LRFN2: variants seen among roughly 807,000 people sequenced by gnomAD.
LRFN2 encodes leucine-rich repeat and fibronectin type-III domain-containing protein 2.
In LRFN2, 18 loss-of-function variants were observed where a neutral mutation model predicts 37.3. The ratio of observed to expected loss-of-function variants is 0.48; its 90% CI spans 0.33 to 0.72. The LOEUF (loss-of-function observed/expected upper bound fraction) is 0.72. LRFN2 is among the 30% of genes least tolerant of loss of function. LRFN2 has a pLI of 0.02. For synonymous variants in LRFN2, 556 were observed against 466.6 expected, an observed-to-expected ratio of 1.19 and a Z score of -2.47; for missense variants, 1,006 against 1,060.7, an observed-to-expected ratio of 0.95 and a Z score of 0.72.
At chr6:40,543,674 G>C (rs1182782189) in intron 1 of LRFN2, among the ~76,000 whole-genome samples, 1 of 152,178 alleles carries the variant, frequency 6.6e-6, no homozygotes, top group African/African-American at 2.4e-5. Flanking sequence ...TATAATTATG[G>C]GTCAAATCCT....
intron 1 of LRFN2, among the ~76,000 whole-genome samples, chr6:40,438,239 A>T (rs1392761343): frequency 1.3e-5 from 2 of 152,178 alleles, no homozygotes; most frequent in Non-Finnish European, 2.9e-5. Flanking sequence ...GAAGCAGTCC[A>T]GTCTTGGGCA....
intron 1 of LRFN2, among the ~76,000 whole-genome samples, chr6:40,464,981 TA>T (rs1483775309): frequency 2.0e-5 from 3 of 152,212 alleles, no homozygotes; most frequent in Non-Finnish European, 4.4e-5. Context: ...AGGTTGCAGA[TA>T]TAATTAAAGT....
intron 1 of LRFN2, among the ~76,000 whole-genome samples, chr6:40,478,734 C>T (rs898171649): frequency 5.3e-5 from 8 of 152,192 alleles, no homozygotes; most frequent in African/African-American, 1.7e-4. Context: ...TGCTCTCAGT[C>T]CTTTCCAATA....
intron 1 of LRFN2, among the ~76,000 whole-genome samples, chr6:40,437,599 C>G (rs147150382): frequency 2.5e-3 from 385 of 152,288 alleles, no homozygotes; most frequent in African/African-American, 8.8e-3. Flanking sequence ...AGATTACTGA[C>G]AGAGAAGTGA....
At chr6:40,402,869 G>A (rs565438261) in intron 2 of LRFN2, among the ~76,000 whole-genome samples, 15 of 152,324 alleles carry the variant, frequency 9.8e-5, no homozygotes, top group African/African-American at 3.1e-4. Flanking sequence ...ACTTCGGGAC[G>A]CATGCTCCTG....
chr6:40,407,124 G>T (rs1202631456), intron 2 of LRFN2, among the ~76,000 whole-genome samples: 1 of 152,226 alleles, frequency 6.6e-6, no homozygotes, highest in Non-Finnish European at 1.5e-5. Context: ...CCCCACGACT[G>T]CAGGCTCAGC....
chr6:40,487,587 C>T (rs927609782), intron 1 of LRFN2, among the ~76,000 whole-genome samples: 1 of 152,264 alleles, frequency 6.6e-6, no homozygotes, highest in Non-Finnish European at 1.5e-5. Context: ...GTGAAAGGTG[C>T]ATGGCCTCTG....
intron 1 of LRFN2, among the ~76,000 whole-genome samples, chr6:40,584,234 A>T (rs933127724): frequency 6.6e-6 from 1 of 151,884 alleles, no homozygotes; most frequent in African/African-American, 2.4e-5. Flanking sequence ...TCCACTGAAG[A>T]CTCTCCCAGA....
At chr6:40,482,478 G>A (rs1467183085) in intron 1 of LRFN2, among the ~76,000 whole-genome samples, 1 of 152,142 alleles carries the variant, frequency 6.6e-6, no homozygotes, top group Admixed American at 6.5e-5. Flanking sequence ...ACCCCCACCT[G>A]CCTGCCCAGC....
intron 1 of LRFN2, among the ~76,000 whole-genome samples, chr6:40,513,424 G>A (rs1236393123): frequency 6.6e-6 from 1 of 151,892 alleles, no homozygotes; most frequent in Non-Finnish European, 1.5e-5. Context: ...AGTAGAGACG[G>A]GGTTTCACCA....
intron 2 of LRFN2, among the ~76,000 whole-genome samples, chr6:40,398,733 C>T (rs1762666018): frequency 6.6e-6 from 1 of 151,932 alleles, no homozygotes; most frequent in Admixed American, 6.6e-5. Context: ...CAATTTGAAA[C>T]TGCAACCCCA....
chr6:40,534,488 C>T (rs115931254), intron 1 of LRFN2, among the ~76,000 whole-genome samples: 6 of 151,930 alleles, frequency 3.9e-5, no homozygotes, highest in South Asian at 2.1e-4. Flanking sequence ...GGCTCTGCAA[C>T]GGCAGGCGGA....
intron 1 of LRFN2, among the ~76,000 whole-genome samples, chr6:40,451,517 T>C (rs530721053): frequency 6.6e-6 from 1 of 152,314 alleles, no homozygotes; most frequent in East Asian, 1.9e-4. Context: ...AAGCAGCATC[T>C]TCTGCTTACA....
At chr6:40,557,300 C>T (rs1283428953) in intron 1 of LRFN2, among the ~76,000 whole-genome samples, 1 of 152,206 alleles carries the variant, frequency 6.6e-6, no homozygotes, top group Non-Finnish European at 1.5e-5. Flanking sequence ...ATGATGTCCT[C>T]TCTCAGAGAT....
intron 1 of LRFN2, among the ~76,000 whole-genome samples, chr6:40,502,637 G>A (rs77418695): frequency 0.011 from 1,600 of 152,270 alleles, 12 homozygotes; most frequent in Non-Finnish European, 0.014. Flanking sequence ...CTTTGAATAC[G>A]ACTATGTGTC....
intron 1 of LRFN2, among the ~76,000 whole-genome samples, chr6:40,571,564 G>A (rs972516500): frequency 5.3e-5 from 8 of 152,180 alleles, no homozygotes; most frequent in Non-Finnish European, 8.8e-5. Context: ...CCAAAGTAGC[G>A]GAACCTCGAG....
At chr6:40,578,806 C>A (rs1229919828) in intron 1 of LRFN2, among the ~76,000 whole-genome samples, 4 of 152,152 alleles carry the variant, frequency 2.6e-5, no homozygotes, top group Non-Finnish European at 5.9e-5. Flanking sequence ...CCTCATTTTG[C>A]AGATGAGAAA....
At position 40,422,531 on chromosome 6, in the gene LRFN2, G is replaced by A. The variant is rs149340176; in HGVS notation, c.1400+9183C>T. Among the ~76,000 whole-genome samples the A allele has an allele frequency of 7.2e-5, 11 of 151,974 alleles. No individual in the cohort carries two copies. The East Asian group carries it at 2.1e-3, about 29-fold the overall frequency. Reference sequence around the variant, plus strand: ...GGGTGGTAGGAAGCCCTGGACTCGGGGTCAGAATGCCTGAGTTCCATACCT... The same window carrying A: ...GGGTGGTAGGAAGCCCTGGACTCGGAGTCAGAATGCCTGAGTTCCATACCT... On this transcript the variant is annotated intron_variant, in intron 2 of 2. Transcript: ENST00000338305.
At chr6:40,577,822 A>T (rs1283965421) in intron 1 of LRFN2, among the ~76,000 whole-genome samples, 1 of 105,870 alleles carries the variant, frequency 9.4e-6, no homozygotes, top group Non-Finnish European at 2.0e-5. Context: ...AATTAAAAAA[A>T]ATAAAAATAA....
Sources: gnomAD v4.1 joint callset for allele counts (sites outside exome capture counted in the v4.1 genomes callset) on GRCh38, gnomAD v4.1.1 for gene constraint, MANE v1.5 for transcripts, NCBI Gene and HGNC (gene_info 2026-07-23, HGNC 2026-07-21) for gene names.